CDK19: variants seen among roughly 807,000 people sequenced by gnomAD.
CDK19 encodes cyclin-dependent kinase 19.
Under a neutral mutation model 68.3 loss-of-function variants are expected in CDK19, and 20 were observed. The ratio of observed to expected loss-of-function variants is 0.29; its 90% CI spans 0.21 to 0.43. The LOEUF (loss-of-function observed/expected upper bound fraction) is 0.43, where lower values mean the gene tolerates loss of function less well. Among genes scored for constraint, CDK19 ranks in the 20% least tolerant of loss-of-function variants. CDK19 has a pLI of 1.00. For synonymous variants in CDK19, 221 were observed against 222.8 expected (o/e 0.99, Z 0.07); for missense variants, 339 against 623.5 (o/e 0.54, Z 4.86).
chr6:110,733,432 T>G (rs1048032213), intron 2 of CDK19, among the ~76,000 whole-genome samples: 1 of 152,166 alleles, frequency 6.6e-6, no homozygotes, highest in Admixed American at 6.6e-5. Flanking sequence ...TTTTTTGTAG[T>G]CATGTGCATT....
At chr6:110,690,216 A>C (rs1772861246) in intron 2 of CDK19, among the ~76,000 whole-genome samples, 2 of 152,196 alleles carry the variant, frequency 1.3e-5, no homozygotes, top group South Asian at 4.1e-4. Context: ...CTGCATCCCC[A>C]CAGGAGGAGT....
At chr6:110,815,682 A>C (rs1783592508), upstream of CDK19, 3 of 152,438 alleles carry the variant, frequency 2.0e-5, no homozygotes, top group African/African-American at 7.3e-5. Context: ...AGAAAGCTCG[A>C]AGTTCCAGTG....
At position 110,671,511 on chromosome 6, in the gene CDK19, T is replaced by C. The variant is rs150341913; in HGVS notation, c.205-970A>G. 1.0e-3 allele frequency among the ~76,000 whole-genome samples: 159 copies of C among 152,322 alleles called. No individual in the cohort carries two copies. In the East Asian group the frequency reaches 0.025, roughly 24 times the overall value. The stretch of plus-strand genomic sequence containing the variant: ...TATGTGCAAGATGATTATATACAAA[T>C]GTTTTTCTCTCACTTAATCTTTAGA... On this transcript the variant is annotated intron_variant, in intron 2 of 12. Coordinates refer to ENST00000368911, the MANE Select transcript of CDK19 (RefSeq NM_015076.5).
At chr6:110,743,723 C>T (rs1479143808) in intron 2 of CDK19, among the ~76,000 whole-genome samples, 1 of 151,990 alleles carries the variant, frequency 6.6e-6, no homozygotes, top group Non-Finnish European at 1.5e-5. Flanking sequence ...TATAAAGACA[C>T]ACATGCCCAT....
intron 4 of CDK19, among the ~76,000 whole-genome samples, chr6:110,650,984 A>C (rs552071195): frequency 9.2e-5 from 14 of 152,208 alleles, no homozygotes; most frequent in Admixed American, 2.6e-4. Flanking sequence ...TGGTGTTTAG[A>C]GTGGTTAGGA....
At chr6:110,748,623 G>A (rs1165148549) in intron 1 of CDK19, among the ~76,000 whole-genome samples, 1 of 152,212 alleles carries the variant, frequency 6.6e-6, no homozygotes, top group African/African-American at 2.4e-5. Context: ...GAGGGCATAT[G>A]GGACTTCTTG....
chr6:110,658,307 C>T (rs770472848), intron 4 of CDK19, among the ~76,000 whole-genome samples: 3 of 152,176 alleles, frequency 2.0e-5, no homozygotes, highest in Admixed American at 6.5e-5. Flanking sequence ...ACAAGATTTG[C>T]AATTGTCCAA....
chr6:110,792,399 T>G (rs1781660133), intron 1 of CDK19, among the ~76,000 whole-genome samples: 1 of 152,238 alleles, frequency 6.6e-6, no homozygotes, highest in African/African-American at 2.4e-5. Context: ...TAATAAACTT[T>G]TTTTGTTGTT....
intron 2 of CDK19, among the ~76,000 whole-genome samples, chr6:110,734,520 G>GCTCTCGCTCTCTCTCTCTCTCTCTCTCT (rs1777051434): frequency 1.2e-5 from 1 of 85,734 alleles, no homozygotes; most frequent in Non-Finnish European, 2.3e-5. Context: ...GGTGAGCACT[G>GCTCTCGCTCTCTCTCTCTCTCTCTCTCT]CTCTCTCTCT....
rs542516898 is a variant in CDK19 at position 110,678,019 on chromosome 6, T to C, written c.205-7478A>G. Among the ~76,000 whole-genome samples, 24 of 152,180 alleles carry C rather than the reference T, an allele frequency of 1.6e-4. 1 individual carries two copies. The South Asian group carries it at 4.6e-3, about 29-fold the overall frequency. ...GAGCCACCATGCCCAGCTGATTTTTTTATTTTTTTGTAGAAATGGGGTATC... is the reference window on the plus strand; with the variant it reads ...GAGCCACCATGCCCAGCTGATTTTTCTATTTTTTTGTAGAAATGGGGTATC... On this transcript the variant is annotated intron_variant, in intron 2 of 12. Transcript: ENST00000368911.
intron 1 of CDK19, among the ~76,000 whole-genome samples, chr6:110,758,032 A>C (rs1056355880): frequency 6.6e-6 from 1 of 152,056 alleles, no homozygotes; most frequent in African/African-American, 2.4e-5. Context: ...TCTCTAAAAA[A>C]AATTTAAAAA....
Position 110,733,009 on chromosome 6 carries a change from A to G in CDK19, c.204+13117T>C, listed in dbSNP as rs562181733. 2.6e-4 allele frequency among the ~76,000 whole-genome samples: 40 copies of G among 152,274 alleles called. 1 individual carries two copies. The highest frequency in any genetic ancestry group is 9.4e-4 in the African/African-American group (39 of 41,564). On this transcript the variant is annotated intron_variant, in intron 2 of 12. Transcript: ENST00000368911. ...TTGAACCCAGCAAGGTGGAGGTTGC[A>G]GTGAGCTGAGATGGCGCCACTGCAC...
chr6:110,808,905 A>G (rs924128912), intron 1 of CDK19, among the ~76,000 whole-genome samples: 3 of 152,126 alleles, frequency 2.0e-5, no homozygotes, highest in African/African-American at 4.8e-5. Context: ...GCAATATCTA[A>G]TATCTGTTCA....
At chr6:110,794,457 A>G (rs802676) in intron 1 of CDK19, among the ~76,000 whole-genome samples, 23,191 of 146,380 alleles carry the variant, frequency 0.16, 1,988 homozygotes, top group East Asian at 0.31. Flanking sequence ...GCTGGAGTGC[A>G]GTAGCGTCAT....
chr6:110,763,899 T>C (rs1309830848), intron 1 of CDK19, among the ~76,000 whole-genome samples: 4 of 152,166 alleles, frequency 2.6e-5, no homozygotes, highest in South Asian at 4.1e-4. Flanking sequence ...TAAACAATTA[T>C]AGCAAGATTG....
At chr6:110,629,152 T>C (rs1008482371) in intron 6 of CDK19, among the ~76,000 whole-genome samples, 1 of 152,138 alleles carries the variant, frequency 6.6e-6, no homozygotes, top group Admixed American at 6.5e-5. Flanking sequence ...TTGTCCTCCA[T>C]TCAAAGGACA....
At chr6:110,724,025 A>C (rs547917233) in intron 2 of CDK19, among the ~76,000 whole-genome samples, 2 of 152,250 alleles carry the variant, frequency 1.3e-5, no homozygotes, top group East Asian at 3.9e-4. Flanking sequence ...AAAAAAAAAA[A>C]AAAAACTAGT....
rs1449148380 is a variant in CDK19, at chr6:110,614,253, T to C, written c.*282A>G. The C allele has an allele frequency of 3.6e-6, 1 of 276,480 alleles. No individual in the cohort carries two copies. The allele number at this position is 276,480 out of a possible 1,614,324, so 17.1% of individuals were successfully genotyped here. A position where few individuals can be genotyped will look rare whatever the true frequency, so the allele number is the denominator to read the frequency against. On this transcript the variant is annotated 3_prime_UTR_variant, in exon 13 of 13. Transcript: ENST00000368911. ...ACCAGGAAATCCTTCAAAGAAATGC[T>C]GAAGGTTACAGAAGTGCTGGGATTA... is the stretch of plus-strand genomic sequence containing the variant.
At chr6:110,668,650 C>T (rs1166418751) in intron 3 of CDK19, among the ~76,000 whole-genome samples, 3 of 151,950 alleles carry the variant, frequency 2.0e-5, no homozygotes, top group South Asian at 2.1e-4. Context: ...CTGACCAACA[C>T]GGTGAAACCC....
Sources: gnomAD v4.1 joint callset for allele counts (sites outside exome capture counted in the v4.1 genomes callset) on GRCh38, gnomAD v4.1.1 for gene constraint, MANE v1.5 for transcripts, NCBI Gene and HGNC (gene_info 2026-07-23, HGNC 2026-07-21) for gene names.